DNER: variants seen among roughly 807,000 people sequenced by gnomAD.
The protein encoded by DNER is delta and Notch-like epidermal growth factor-related receptor.
DNER carries 33 observed loss-of-function variants against 78.2 expected under a neutral mutation model. The ratio of observed to expected loss-of-function variants is 0.42; its 90% confidence interval spans 0.32 to 0.56. DNER has a LOEUF of 0.56. DNER is among the 20% of genes least tolerant of loss of function. The pLI is 0.11. For synonymous variants in DNER, 417 were observed against 384.8 expected (o/e 1.08, Z -0.98); for missense variants, 918 against 975.3 (o/e 0.94, Z 0.78).
chr2:229,591,763 C>G lies in DNER; in HGVS notation c.402G>C (p.Gln134His), dbSNP rs201766920. ...CAGTGGCTGGGAGACTGGGAAGTGC[C>G]TGTTCACAGTTGGGACCTTCATAGC... ...NEGYEGPNCE[Q>H]ALPSLPATGW... The change falls in exon 2 of 13, where the codon CAG (glutamine) becomes CAC (histidine). Residue 134 changes from glutamine (Q) to histidine (H), a missense_variant. Coordinates refer to ENST00000341772, the MANE Select transcript of DNER (RefSeq NM_139072.4). This position sits in a 1 kb window ranked among gnomAD's most constrained non-coding sequence, Gnocchi z 4.6. 17 of 1,614,076 alleles carry G rather than the reference C, an allele frequency of 1.1e-5. No individual in the cohort carries two copies. Among genetic ancestry groups the G allele is most frequent in the Middle Eastern group, 1.6e-4 (1 of 6,084 alleles).
chr2:229,587,024 T>G, intron 3 of DNER: 2 of 982,302 alleles, frequency 2.0e-6, no homozygotes, highest in Non-Finnish European at 2.4e-6. Flanking sequence ...CTCTGCTAAT[T>G]CGGTCCCGTT....
At chr2:229,360,295 T>C (rs1399323451) in intron 12 of DNER, among the ~76,000 whole-genome samples, 1 of 152,208 alleles carries the variant, frequency 6.6e-6, no homozygotes, top group Non-Finnish European at 1.5e-5. Flanking sequence ...ATATCTAACA[T>C]AGTAGGATAT....
chr2:229,653,800 C>T (rs1234874804), intron 1 of DNER, among the ~76,000 whole-genome samples: 3 of 152,166 alleles, frequency 2.0e-5, no homozygotes, highest in Non-Finnish European at 4.4e-5. Flanking sequence ...CTTTGTAAGC[C>T]TTAGGCCATC....
At chr2:229,476,924 A>G (rs1407275515) in intron 7 of DNER, among the ~76,000 whole-genome samples, 1 of 152,046 alleles carries the variant, frequency 6.6e-6, no homozygotes, top group African/African-American at 2.4e-5. Context: ...ATAAAATCAC[A>G]GAAAGTCCTA....
chr2:229,468,216 G>A (rs906343354), intron 7 of DNER, among the ~76,000 whole-genome samples: 1 of 152,230 alleles, frequency 6.6e-6, no homozygotes, highest in Non-Finnish European at 1.5e-5. Flanking sequence ...GTTTGACTCT[G>A]AAATAAAATT....
At position 229,388,339 on chromosome 2, in the gene DNER, C is replaced by T. The variant is rs866594376; in HGVS notation, c.1781G>A (p.Gly594Glu). ...ACCATTGGGCTGGTCCAGGCAGCTC[C>T]CACCATGGTGGCAGGGGTTACTGTC... The part of the protein sequence containing the change: ...ECDSNPCHHG[G>E]SCLDQPNGYN... The change falls in exon 11 of 13, where the codon GGG (glycine) becomes GAG (glutamate). Residue 594 changes from glycine to glutamate, a missense_variant. By Grantham distance (98) the Gly-to-Glu change is moderately conservative. Transcript: ENST00000341772. The T allele has an allele frequency of 6.2e-7, 1 of 1,611,834 alleles. No homozygotes were observed. Among genetic ancestry groups the T allele is most frequent in the South Asian group, 1.1e-5 (1 of 90,846 alleles).
At chr2:229,447,187 A>G (rs143734592) in intron 8 of DNER, 129 bp downstream of exon 8, 705 of 877,854 alleles carry the variant, frequency 8.0e-4, no homozygotes, top group Non-Finnish European at 1.1e-3. Flanking sequence ...ATACTTACTT[A>G]CAAGCATACC....
intron 9 of DNER, among the ~76,000 whole-genome samples, chr2:229,409,391 G>C (rs550447515): frequency 5.1e-4 from 78 of 152,266 alleles, no homozygotes; most frequent in Middle Eastern, 3.4e-3. Flanking sequence ...ATTTCCATTA[G>C]ACCTGAAGTC....
intron 1 of DNER, among the ~76,000 whole-genome samples, chr2:229,626,275 C>T (rs1025196028): frequency 3.3e-5 from 5 of 152,134 alleles, no homozygotes; most frequent in South Asian, 4.1e-4. Context: ...CATCCAAAGG[C>T]TAAGGGGGAA....
intron 4 of DNER, among the ~76,000 whole-genome samples, chr2:229,562,262 T>C (rs995557549): frequency 1.2e-4 from 18 of 152,002 alleles, no homozygotes; most frequent in African/African-American, 4.1e-4. Flanking sequence ...AGCTACTACT[T>C]AGAGTCATAA....
At chr2:229,456,167 C>A (rs569437967) in intron 7 of DNER, among the ~76,000 whole-genome samples, 2 of 151,998 alleles carry the variant, frequency 1.3e-5, no homozygotes, top group South Asian at 4.1e-4. Context: ...ATGGAGTTTA[C>A]AATCATGGCA....
chr2:229,400,644 T>C (rs1437050096), intron 10 of DNER, among the ~76,000 whole-genome samples: 1 of 152,096 alleles, frequency 6.6e-6, no homozygotes, highest in African/African-American at 2.4e-5. Flanking sequence ...AAGTATTGGA[T>C]TATAACCTAA....
At chr2:229,572,759 C>G (rs748547806) in intron 4 of DNER, among the ~76,000 whole-genome samples, 3 of 152,086 alleles carry the variant, frequency 2.0e-5, no homozygotes, top group Non-Finnish European at 2.9e-5. Context: ...TGCTGCACGA[C>G]AGGAATGCAT....
At chr2:229,629,625 G>T (rs1266979128) in intron 1 of DNER, among the ~76,000 whole-genome samples, 1 of 152,166 alleles carries the variant, frequency 6.6e-6, no homozygotes, top group East Asian at 1.9e-4. Context: ...ATCCCAAAAT[G>T]AAAATGTTCT....
chr2:229,517,214 T>G (rs988829877), intron 5 of DNER, among the ~76,000 whole-genome samples: 2 of 152,158 alleles, frequency 1.3e-5, no homozygotes, highest in African/African-American at 2.4e-5. Context: ...CAATGTGTAT[T>G]AAGCATATAC....
At chr2:229,614,764 A>G (rs1401402919) in intron 1 of DNER, among the ~76,000 whole-genome samples, 3 of 152,202 alleles carry the variant, frequency 2.0e-5, no homozygotes, top group Non-Finnish European at 4.4e-5. Context: ...TATAAAATCT[A>G]AAAGACCAGT....
intron 1 of DNER, among the ~76,000 whole-genome samples, chr2:229,709,698 A>G (rs932422434): frequency 6.6e-6 from 1 of 152,190 alleles, no homozygotes; most frequent in African/African-American, 2.4e-5. Context: ...TCCCCTTTTT[A>G]CTCCAAGTGC....
In DNER at chr2:229,388,326, G is replaced by T; in HGVS notation, c.1794C>A (p.Asp598Glu). The T allele has an allele frequency of 6.2e-7, 1 of 1,611,426 alleles. No individual in the cohort carries two copies. The highest frequency in any genetic ancestry group is 1.7e-5 in the Admixed American group (1 of 59,802). The change falls in exon 11 of 13, where the codon GAC (aspartate) becomes GAA (glutamate). Residue 598 changes from aspartate to glutamate, a missense_variant. By Grantham distance (45) the Asp-to-Glu change is conservative. Coordinates refer to ENST00000341772, the MANE Select transcript of DNER (RefSeq NM_139072.4). Reference protein sequence around the residue: ...NPCHHGGSCLDQPNGYNCHCP... With the variant: ...NPCHHGGSCLEQPNGYNCHCP... Reference sequence around the variant, plus strand: ...AGTGGCAGTTATAACCATTGGGCTGGTCCAGGCAGCTCCCACCATGGTGGC... The same window carrying T: ...AGTGGCAGTTATAACCATTGGGCTGTTCCAGGCAGCTCCCACCATGGTGGC...
chr2:229,391,875 G>T (rs547047192), intron 10 of DNER, among the ~76,000 whole-genome samples: 49 of 152,170 alleles, frequency 3.2e-4, no homozygotes, highest in African/African-American at 1.2e-3. Flanking sequence ...CTTCTGTGAG[G>T]CAATATGTAA....
Sources: gnomAD v4.1 joint callset for allele counts (sites outside exome capture counted in the v4.1 genomes callset) on GRCh38, gnomAD v4.1.1 for gene constraint, Gnocchi (gnomAD v3.1) non-coding constraint, MANE v1.5 for transcripts, NCBI Gene and HGNC (gene_info 2026-07-23, HGNC 2026-07-21) for gene names.